ANKRD24: variants seen among roughly 807,000 people sequenced by gnomAD.
ANKRD24 encodes ankyrin repeat domain 24.
Under a neutral mutation model 127.8 loss-of-function variants are expected in ANKRD24, and 109 were observed. The ratio of observed to expected loss-of-function variants is 0.85; its 90% CI spans 0.73 to 1.00. The LOEUF is 1.00. Ranked by LOEUF, ANKRD24 falls within the 50% of genes least tolerant of loss-of-function variation. The pLI is 0.00. For synonymous variants in ANKRD24, 743 were observed against 671.1 expected, an observed-to-expected ratio of 1.11 and a Z score of -1.66; for missense variants, 1,648 against 1,570.2, an observed-to-expected ratio of 1.05 and a Z score of -0.84.
At chr19:4,185,393 G>C (rs962495834) in intron 1 of ANKRD24, among the ~76,000 whole-genome samples, 3 of 152,074 alleles carry the variant, frequency 2.0e-5, no homozygotes, top group Non-Finnish European at 2.9e-5. Flanking sequence ...GCGTGGAAGG[G>C]TGGCTTGGAG....
chr19:4,184,152 G>C (rs933597810), intron 1 of ANKRD24, among the ~76,000 whole-genome samples: 6 of 152,192 alleles, frequency 3.9e-5, no homozygotes, highest in Non-Finnish European at 7.3e-5. Flanking sequence ...CTCCTCCCTC[G>C]GCTCATCCCC....
At chr19:4,202,340 G>A (rs1197355170) in intron 6 of ANKRD24, among the ~76,000 whole-genome samples, 3 of 152,104 alleles carry the variant, frequency 2.0e-5, no homozygotes, top group Admixed American at 6.6e-5. Flanking sequence ...GGCTGAGGTC[G>A]GTGAAATCGC....
Position 4,217,781 on chromosome 19 carries a change from T to C in ANKRD24, c.2621T>C (p.Leu874Pro), listed in dbSNP as rs1970198033. ...CAGCAGCGCACGGCGGCCGCGGAACTGGGCCGGGCACGGGACGCCGCTGAG... is the reference window on the plus strand; with the variant it reads ...CAGCAGCGCACGGCGGCCGCGGAACCGGGCCGGGCACGGGACGCCGCTGAG... ...GEQQRTAAAE[L>P]GRARDAAEAR... Residue 874 changes from leucine to proline, a missense_variant, in exon 18 of 22, where the codon CTG (leucine) becomes CCG (proline). By Grantham distance (98) the Leu-to-Pro change is moderately conservative. Transcript: ENST00000318934. The C allele has an allele frequency of 3.8e-6, 5 of 1,316,100 alleles. No individual in the cohort carries two copies. Among genetic ancestry groups the C allele is most frequent in the Non-Finnish European group, 3.9e-6 (4 of 1,036,892 alleles). 81.5% of individuals were successfully genotyped at this position (1,316,100 alleles called of 1,614,324 possible). A position where few individuals can be genotyped will look rare whatever the true frequency, so the allele number is the denominator to read the frequency against.
intron 19 of ANKRD24, among the ~76,000 whole-genome samples, chr19:4,222,278 ACTCAGGAGG>A (rs1970483861): frequency 6.6e-6 from 1 of 152,210 alleles, no homozygotes; most frequent in Admixed American, 6.5e-5. Flanking sequence ...AGTCCCAGCT[ACTCAGGAGG>A]CTGAGGCAGG....
At chr19:4,207,115 G>T (rs1418011347) in intron 7 of ANKRD24, 127 bp from the exon 8 acceptor site, 4 of 632,704 alleles carry the variant, frequency 6.3e-6, no homozygotes, top group Non-Finnish European at 1.1e-5. Context: ...TAGAGACAGG[G>T]TCTCACTGTG....
At chr19:4,202,954 C>G in intron 7 of ANKRD24, 28 bp downstream of exon 7, 1 of 1,534,894 alleles carries the variant, frequency 6.5e-7, no homozygotes, top group Non-Finnish European at 8.8e-7. Flanking sequence ...CTGCCCTGAC[C>G]CCGAAGCCCA....
At chr19:4,224,072 T>C in intron 20 of ANKRD24, 55 bp from the exon 21 acceptor site, 1 of 1,495,170 alleles carries the variant, frequency 6.7e-7, no homozygotes. Context: ...TGGTGTGTTT[T>C]GCTCAGTGGG....
chr19:4,208,952 G>C, intron 11 of ANKRD24, 151 bp downstream of exon 11: 7 of 814,530 alleles, frequency 8.6e-6, no homozygotes, highest in Non-Finnish European at 1.4e-5. Context: ...GCCACCAAGT[G>C]GCGGCAGTGT....
Position 4,198,579 on chromosome 19 carries a change from T to G in ANKRD24, c.37-1104T>G. On this transcript the variant is annotated intron_variant, in intron 2 of 21. Transcript: ENST00000318934. This position sits in a 1 kb window ranked among gnomAD's most constrained non-coding sequence, Gnocchi z 6.1. ...CAGGAGCGGGCGGGGCGCGGGTACCTCCTCTCCCCTCCCTTCCCCGTCCCC... is the reference window on the plus strand; with the variant it reads ...CAGGAGCGGGCGGGGCGCGGGTACCGCCTCTCCCCTCCCTTCCCCGTCCCC... 2.1e-6 allele frequency: 1 copy of G among 468,502 alleles called. No homozygotes were observed. Among genetic ancestry groups the G allele is most frequent in the Non-Finnish European group, 3.8e-6 (1 of 265,056 alleles). 29.0% of individuals were successfully genotyped at this position (468,502 alleles called of 1,614,324 possible).
chr19:4,223,397 A>ATTTT (rs1446284593), intron 20 of ANKRD24, among the ~76,000 whole-genome samples: 7 of 54,830 alleles, frequency 1.3e-4, no homozygotes, highest in African/African-American at 3.9e-4. Context: ...ATATATATAT[A>ATTTT]TATATTTTTT....
chr19:4,223,268 C>G (rs746831792), intron 20 of ANKRD24, among the ~76,000 whole-genome samples: 11 of 151,122 alleles, frequency 7.3e-5, no homozygotes, highest in African/African-American at 1.2e-4. Flanking sequence ...GGATCTTGCT[C>G]TATTAGGCTG....
intron 13 of ANKRD24, 90 bp from the exon 14 acceptor site, chr19:4,212,385 A>T: frequency 7.0e-7 from 1 of 1,434,254 alleles, no homozygotes; most frequent in Non-Finnish European, 9.5e-7. Context: ...GAATGCGTGA[A>T]TGTGCATGGA....
At chr19:4,219,861 C>T in intron 19 of ANKRD24, 103 bp downstream of exon 19, 1 of 1,310,302 alleles carries the variant, frequency 7.6e-7, no homozygotes, top group Non-Finnish European at 1.0e-6. Flanking sequence ...GAAAATCAAC[C>T]CATTTTCCAG....
chr19:4,206,768 T>G (rs1336460557), intron 7 of ANKRD24, among the ~76,000 whole-genome samples: 1 of 152,154 alleles, frequency 6.6e-6, no homozygotes, highest in Non-Finnish European at 1.5e-5. Flanking sequence ...ATGCAAAACT[T>G]GCCTTTGTTA....
chr19:4,210,340 C>A lies in ANKRD24; in HGVS notation c.1027C>A (p.Leu343Met). The A allele has an allele frequency of 6.4e-7, 1 of 1,573,848 alleles. No individual in the cohort carries two copies. ...CCGCCTCCTGCAGAAGATCCGGGGCCTGGAACAGCACAAGGAACGGAGGCA... is the reference window on the plus strand; with the variant it reads ...CCGCCTCCTGCAGAAGATCCGGGGCATGGAACAGCACAAGGAACGGAGGCA... ...RGRLLQKIRG[L>M]EQHKERRQQE... Residue 343 changes from leucine (L) to methionine (M), a missense_variant, in exon 13 of 22, where the codon CTG becomes ATG. Transcript: ENST00000318934.
At position 4,199,552 on chromosome 19, in the gene ANKRD24, CAG is replaced by C. The variant is rs974228637; in HGVS notation, c.37-130_37-129del. The C allele has an allele frequency of 8.4e-6, 12 of 1,429,444 alleles. No homozygotes were observed. In the African/African-American group the frequency reaches 8.6e-5, roughly 10 times the overall value. The allele number at this position is 1,429,444 out of a possible 1,614,324, so 88.5% of individuals were successfully genotyped here. On this transcript the variant is annotated intron_variant, in intron 2 of 21. Transcript: ENST00000318934. This position sits in a 1 kb window ranked among gnomAD's most constrained non-coding sequence, Gnocchi z 5.2. ...TGGAAATAGATGCCAGGGGGCTGCT[CAG>C]GGGATGATGCTGGTGGTGGGCTTTT... is the stretch of plus-strand genomic sequence containing the variant.
chr19:4,210,006 T>G (rs1029487295), intron 11 of ANKRD24, 52 bp from the exon 12 acceptor site: 1 of 1,115,596 alleles, frequency 9.0e-7, no homozygotes, highest in Non-Finnish European at 1.3e-6. Context: ...TGGGGGAGGC[T>G]GGCATGGCCC....
At chr19:4,224,334 C>G (rs79428378) in intron 21 of ANKRD24, 94 bp from the exon 22 acceptor site, 2 of 1,467,500 alleles carry the variant, frequency 1.4e-6, no homozygotes, top group East Asian at 4.9e-5. Context: ...TGTGCATTTC[C>G]CTCCTGGCTG....
rs928019270 is a variant in ANKRD24 at position 4,218,183 on chromosome 19, A to T, written c.3003+20A>T. 2 of 1,431,004 alleles carry T rather than the reference A, an allele frequency of 1.4e-6. No homozygotes were observed. The highest frequency in any genetic ancestry group is 3.0e-5 in the African/African-American group (2 of 66,974). 88.6% of individuals were successfully genotyped at this position (1,431,004 alleles called of 1,614,324 possible). ...TTCCAGGTGAGCAGGGCTGGTCACCACCCGGGCCCCACCCCCATTGGCCAC... is the reference window on the plus strand; with the variant it reads ...TTCCAGGTGAGCAGGGCTGGTCACCTCCCGGGCCCCACCCCCATTGGCCAC... On this transcript the variant is annotated intron_variant, in intron 18 of 21. Transcript: ENST00000318934.
Sources: allele counts gnomAD v4.1 joint callset (sites outside exome capture counted in the v4.1 genomes callset), GRCh38; gene constraint gnomAD v4.1.1; non-coding constraint Gnocchi (gnomAD v3.1); transcripts MANE v1.5; gene names NCBI Gene and HGNC (gene_info 2026-07-23, HGNC 2026-07-21).